The following SHTN1 variants were observed in gnomAD, a reference collection of about 807,000 sequenced individuals.
The protein encoded by SHTN1 is shootin 1.
Under a neutral mutation model 83.1 loss-of-function variants are expected in SHTN1, and 42 were observed. The observed-to-expected ratio is 0.51, with a 90% confidence interval of 0.39 to 0.65. The LOEUF is 0.65. SHTN1 is among the 30% of genes least tolerant of loss of function. The pLI is 0.00. For missense variants in SHTN1, 622 were observed against 737.8 expected (o/e 0.84, Z 1.82); for synonymous variants, 224 against 247.7 (o/e 0.90, Z 0.90).
chr10:116,956,445 A>G (rs1197783569), intron 4 of SHTN1, among the ~76,000 whole-genome samples: 1 of 152,252 alleles, frequency 6.6e-6, no homozygotes, highest in African/African-American at 2.4e-5. Context: ...TATGATGACT[A>G]AATGAGACAT....
intron 1 of SHTN1, among the ~76,000 whole-genome samples, chr10:117,072,798 A>T (rs1307168771): frequency 6.6e-6 from 1 of 152,180 alleles, no homozygotes; most frequent in Non-Finnish European, 1.5e-5. Context: ...ATGACAAAAC[A>T]AGGCTCTTTA....
intron 11 of SHTN1, 41 bp from the exon 12 acceptor site, chr10:116,921,557 G>T (rs750779854): frequency 5.6e-6 from 8 of 1,439,038 alleles, no homozygotes; most frequent in Admixed American, 1.8e-5. Context: ...ATTACTGGAT[G>T]CCTAGATCCT....
intron 16 of SHTN1, among the ~76,000 whole-genome samples, chr10:116,898,068 C>T (rs1157424141): frequency 6.6e-6 from 1 of 152,146 alleles, no homozygotes; most frequent in Admixed American, 6.5e-5. Flanking sequence ...TGGCTCATCC[C>T]TGTAATCCCA....
At chr10:117,044,335 T>C (rs1852630502) in intron 2 of SHTN1, among the ~76,000 whole-genome samples, 1 of 152,154 alleles carries the variant, frequency 6.6e-6, no homozygotes, top group African/African-American at 2.4e-5. Context: ...TGATTTACCT[T>C]ATTTTTTAAA....
chr10:116,979,588 C>A lies in SHTN1; in HGVS notation c.59-280G>T, dbSNP rs1021440075. On this transcript the variant is annotated intron_variant, in intron 1 of 16. Transcript: ENST00000355371. ...GCACGAGTCACCAAACCCGGCTGGGCTCCTGCTTTTAACAGTAAGGATGAA... is the reference window on the plus strand; with the variant it reads ...GCACGAGTCACCAAACCCGGCTGGGATCCTGCTTTTAACAGTAAGGATGAA... Among the ~76,000 whole-genome samples the A allele has an allele frequency of 9.8e-5, 15 of 152,328 alleles. 2 individuals are homozygous for A. The highest frequency in any genetic ancestry group is 9.8e-4 in the Admixed American group (15 of 15,308).
chr10:117,124,410 A>G (rs1247104036), intron 1 of SHTN1, among the ~76,000 whole-genome samples: 3 of 152,182 alleles, frequency 2.0e-5, no homozygotes, highest in Non-Finnish European at 4.4e-5. Flanking sequence ...ACTCAGAAAA[A>G]TAAAGTTCAA....
At position 116,952,061 on chromosome 10, in the gene SHTN1, T is replaced by A. The variant is rs185239719; in HGVS notation, c.437-55A>T. On this transcript the variant is annotated intron_variant, in intron 5 of 16. Transcript: ENST00000355371. ...ATAAACTTATTTTTAAAATAAGAAA[T>A]CAATCTGGTCAAAAGAATTGAAAAT... The A allele has an allele frequency of 6.8e-6, 6 of 886,634 alleles. No homozygotes were observed. The Admixed American group carries it at 1.6e-4, about 24-fold the overall frequency. 54.9% of individuals were successfully genotyped at this position (886,634 alleles called of 1,614,324 possible).
chr10:116,904,909 A>T (rs1198214916), intron 15 of SHTN1, among the ~76,000 whole-genome samples: 2 of 152,218 alleles, frequency 1.3e-5, no homozygotes, highest in Non-Finnish European at 2.9e-5. Context: ...GTCCTTAAAA[A>T]TAGCAGTGTT....
chr10:116,897,554 G>A (rs529964048), intron 16 of SHTN1, among the ~76,000 whole-genome samples: 25 of 152,196 alleles, frequency 1.6e-4, no homozygotes, highest in African/African-American at 5.8e-4. Flanking sequence ...AAAACCCAGG[G>A]GTCTAGTATC....
chr10:117,017,925 T>C (rs1346655591), intron 2 of SHTN1, among the ~76,000 whole-genome samples: 6 of 152,082 alleles, frequency 3.9e-5, no homozygotes. Context: ...AGTCTAATAA[T>C]AATAATAAAA....
At chr10:117,111,076 T>C (rs1853760614) in intron 1 of SHTN1, among the ~76,000 whole-genome samples, 1 of 151,602 alleles carries the variant, frequency 6.6e-6, no homozygotes, top group Non-Finnish European at 1.5e-5. Context: ...CACACGCCTG[T>C]AGTCCCAGCT....
At chr10:117,028,588 A>G (rs1852361885) in intron 2 of SHTN1, among the ~76,000 whole-genome samples, 1 of 151,938 alleles carries the variant, frequency 6.6e-6, no homozygotes, top group South Asian at 2.1e-4. Flanking sequence ...GCCTCAAAAT[A>G]TGGCTCCCTA....
At chr10:117,000,699 T>C (rs1364246321) in intron 1 of SHTN1, among the ~76,000 whole-genome samples, 1 of 152,218 alleles carries the variant, frequency 6.6e-6, no homozygotes, top group Non-Finnish European at 1.5e-5. Flanking sequence ...CTCATGGTAG[T>C]GCACCCCATT....
At chr10:116,952,076 G>T in intron 5 of SHTN1, 70 bp from the exon 6 acceptor site, 3 of 774,180 alleles carry the variant, frequency 3.9e-6, no homozygotes, top group Middle Eastern at 4.1e-4. Flanking sequence ...CTGGTCAAAA[G>T]AATTGAAAAT....
At chr10:117,044,771 A>G (rs1852636880) in intron 2 of SHTN1, among the ~76,000 whole-genome samples, 2 of 152,114 alleles carry the variant, frequency 1.3e-5, no homozygotes, top group Non-Finnish European at 2.9e-5. Flanking sequence ...TATGGTCAAA[A>G]TATTTTGATG....
At chr10:116,922,791 C>T (rs976320542) in intron 11 of SHTN1, among the ~76,000 whole-genome samples, 2 of 151,990 alleles carry the variant, frequency 1.3e-5, no homozygotes, top group African/African-American at 2.4e-5. Context: ...ATGGCAAAAC[C>T]CTGTCTCTAC....
intron 1 of SHTN1, among the ~76,000 whole-genome samples, chr10:117,070,816 C>T (rs1441818715): frequency 6.6e-6 from 1 of 151,540 alleles, no homozygotes; most frequent in African/African-American, 2.4e-5. Flanking sequence ...TTTTCTTTTC[C>T]TAAAAGCAGG....
At chr10:117,064,094 T>A (rs1047977663) in intron 1 of SHTN1, among the ~76,000 whole-genome samples, 1 of 152,146 alleles carries the variant, frequency 6.6e-6, no homozygotes, top group Non-Finnish European at 1.5e-5. Context: ...AGCACTGGCG[T>A]TAAGAAACTG....
chr10:117,013,313 A>G (rs1852135196), intron 2 of SHTN1, among the ~76,000 whole-genome samples: 1 of 152,034 alleles, frequency 6.6e-6, no homozygotes, highest in Non-Finnish European at 1.5e-5. Flanking sequence ...TAGCTGGGCT[A>G]CAGGCACCCG....
Sources: allele counts gnomAD v4.1 joint callset (sites outside exome capture counted in the v4.1 genomes callset), GRCh38; gene constraint gnomAD v4.1.1; transcripts MANE v1.5; gene names NCBI Gene and HGNC (gene_info 2026-07-23, HGNC 2026-07-21).